The following DAGLA variants were observed in gnomAD, a reference collection of about 807,000 sequenced individuals.
The protein encoded by DAGLA is diacylglycerol lipase alpha.
In DAGLA, 22 loss-of-function variants were observed where a neutral mutation model predicts 102.6. That is an observed-to-expected ratio of 0.21 (90% CI 0.15 to 0.31). The LOEUF (loss-of-function observed/expected upper bound fraction) is 0.31, where lower values mean the gene tolerates loss of function less well. DAGLA is among the 10% of genes least tolerant of loss of function. The pLI is 1.00. For synonymous variants in DAGLA, 578 were observed against 628.9 expected (o/e 0.92, Z 1.21); for missense variants, 927 against 1,446.6 (o/e 0.64, Z 5.83).
chr11:61,688,205 C>T lies in DAGLA; in HGVS notation c.-45+7701C>T, dbSNP rs184579867. ...TGGTGGGTGCCTGTAGTCCCAGCTA[C>T]TTGGGAGGCTGAGGCAGGAGAATGG... On this transcript the variant is annotated intron_variant, in intron 1 of 19. Transcript: ENST00000257215. 3.1e-3 allele frequency among the ~76,000 whole-genome samples: 469 copies of T among 151,174 alleles called. 2 individuals are homozygous for T. Among genetic ancestry groups the T allele is most frequent in the African/African-American group, 0.011 (437 of 41,136 alleles).
chr11:61,711,835 C>T (rs1484397450), intron 1 of DAGLA, among the ~76,000 whole-genome samples: 1 of 152,196 alleles, frequency 6.6e-6, no homozygotes, highest in Non-Finnish European at 1.5e-5. Flanking sequence ...CCTGGCTCTG[C>T]CGCTGAAGAG....
Position 61,723,501 on chromosome 11 carries a change from C to A in DAGLA, c.477C>A (p.Pro159=). 1 of 1,614,142 alleles carries A rather than the reference C, an allele frequency of 6.2e-7. No homozygotes were observed. The highest frequency in any genetic ancestry group is 2.2e-5 in the East Asian group (1 of 44,892). ...TCACTGTCCTCTGCGTCTTCGACCC[C>A]ACGGGCCGCACCTTTGTCAAGCTGA... ...VCITVLCVFD[P]TGRTFVKLRA... is the part of the protein sequence containing the mutation. Residue 159 remains proline (P), a synonymous_variant, in exon 5 of 20, where the codon CCC becomes CCA. Transcript: ENST00000257215.
At chr11:61,729,917 A>G (rs2065360124) in intron 8 of DAGLA, among the ~76,000 whole-genome samples, 1 of 151,920 alleles carries the variant, frequency 6.6e-6, no homozygotes, top group African/African-American at 2.4e-5. Flanking sequence ...TACAAAAAAA[A>G]AAAAAATTAG....
intron 18 of DAGLA, among the ~76,000 whole-genome samples, chr11:61,740,925 C>T (rs1044179701): frequency 1.6e-4 from 25 of 152,164 alleles, no homozygotes; most frequent in African/African-American, 4.8e-4. Flanking sequence ...CCCCTGGCTG[C>T]GGAAAGGCTG....
intron 1 of DAGLA, among the ~76,000 whole-genome samples, chr11:61,704,745 G>T (rs1468006670): frequency 6.6e-6 from 1 of 152,204 alleles, no homozygotes; most frequent in Non-Finnish European, 1.5e-5. Flanking sequence ...GTGGTTGGGA[G>T]AGTGGATGAC....
rs762663380 is a variant in DAGLA, at chr11:61,737,188, G to A, written c.1378G>A (p.Gly460Arg). Reference protein sequence around the residue: ...SQAFGRDLGRGTKHYGLIVVG... With the variant: ...SQAFGRDLGRRTKHYGLIVVG... ...GGCTTCTCTCGGTCTCCAGGGCCGC[G>A]GAACCAAACACTACGGCCTGATTGT... Residue 460 changes from glycine (G) to arginine (R), a missense_variant, in exon 14 of 20, where the codon GGA becomes AGA. Gly to Arg is a moderately radical substitution (Grantham distance 125). This residue lies in a region of DAGLA where 218 missense variants were observed against 459.6 expected (regional missense o/e 0.47). Coordinates refer to ENST00000257215, the MANE Select transcript of DAGLA (RefSeq NM_006133.3). 12 of 1,613,468 alleles carry A rather than the reference G, an allele frequency of 7.4e-6. No homozygotes were observed. The highest frequency in any genetic ancestry group is 4.5e-5 in the East Asian group (2 of 44,876).
At chr11:61,722,581 C>T (rs1026575842) in intron 3 of DAGLA, among the ~76,000 whole-genome samples, 1 of 152,146 alleles carries the variant, frequency 6.6e-6, no homozygotes, top group African/African-American at 2.4e-5. Context: ...AGCAAAACTC[C>T]ATCAGGGATG....
intron 1 of DAGLA, among the ~76,000 whole-genome samples, chr11:61,700,080 G>T (rs921424827): frequency 1.3e-5 from 2 of 152,216 alleles, no homozygotes; most frequent in Non-Finnish European, 2.9e-5. Flanking sequence ...TGACTTGGCA[G>T]TGCCTGGGCC....
At chr11:61,710,203 T>G (rs1004873401) in intron 1 of DAGLA, among the ~76,000 whole-genome samples, 3 of 151,996 alleles carry the variant, frequency 2.0e-5, no homozygotes, top group African/African-American at 7.3e-5. Flanking sequence ...GCGCTGGGAT[T>G]CGTGCTGGGA....
At chr11:61,717,309 A>G (rs2065243197) in intron 1 of DAGLA, among the ~76,000 whole-genome samples, 1 of 152,112 alleles carries the variant, frequency 6.6e-6, no homozygotes, top group Admixed American at 6.5e-5. Flanking sequence ...AGATGTATGA[A>G]TTGGCCTGGA....
intron 1 of DAGLA, among the ~76,000 whole-genome samples, chr11:61,685,474 C>CA (rs1307316574): frequency 2.0e-5 from 3 of 152,128 alleles, no homozygotes; most frequent in Non-Finnish European, 4.4e-5. Flanking sequence ...GTGTCATCAG[C>CA]AAGAGTATAT....
At chr11:61,706,997 C>T (rs2065155817) in intron 1 of DAGLA, among the ~76,000 whole-genome samples, 1 of 152,262 alleles carries the variant, frequency 6.6e-6, no homozygotes, top group African/African-American at 2.4e-5. Context: ...AGCAGCTTCA[C>T]TGACCTCCCC....
At chr11:61,712,612 A>G (rs2065203219) in intron 1 of DAGLA, among the ~76,000 whole-genome samples, 1 of 152,170 alleles carries the variant, frequency 6.6e-6, no homozygotes, top group Non-Finnish European at 1.5e-5. Context: ...GATGTGTGAA[A>G]AGCGACAGCT....
At chr11:61,712,163 G>C (rs2065199326) in intron 1 of DAGLA, among the ~76,000 whole-genome samples, 1 of 152,160 alleles carries the variant, frequency 6.6e-6, no homozygotes, top group Non-Finnish European at 1.5e-5. Flanking sequence ...AGGGGTCTCT[G>C]GCCAAGAAGC....
At chr11:61,713,610 C>T (rs2135573448) in intron 1 of DAGLA, among the ~76,000 whole-genome samples, 1 of 152,354 alleles carries the variant, frequency 6.6e-6, no homozygotes, top group Non-Finnish European at 1.5e-5. Context: ...GCTGGAATCT[C>T]ACCACGACCA....
At chr11:61,694,844 C>G (rs1215595161) in intron 1 of DAGLA, among the ~76,000 whole-genome samples, 1 of 152,060 alleles carries the variant, frequency 6.6e-6, no homozygotes, top group Non-Finnish European at 1.5e-5. Flanking sequence ...TCGCATTACC[C>G]ACTTCCCTGC....
chr11:61,739,670 T>A lies in DAGLA; in HGVS notation c.1853+9T>A, dbSNP rs372872930. 1.5e-4 allele frequency: 237 copies of A among 1,612,134 alleles called. No homozygotes were observed. Among genetic ancestry groups the A allele is most frequent in the Non-Finnish European group, 1.9e-4 (226 of 1,179,540 alleles). ...CCTGCAGAGCAGTGCTGGTAGGTTC[T>A]GCCAGGGTCTGCTGCTGCAGGGGGT... is the stretch of plus-strand genomic sequence containing the variant. On this transcript the variant is annotated intron_variant, in intron 17 of 19. Coordinates refer to ENST00000257215, the MANE Select transcript of DAGLA (RefSeq NM_006133.3).
At chr11:61,725,305 T>G (rs1159329321) in intron 5 of DAGLA, among the ~76,000 whole-genome samples, 1 of 152,160 alleles carries the variant, frequency 6.6e-6, no homozygotes, top group Non-Finnish European at 1.5e-5. Context: ...TACAGACTCC[T>G]GGAGACCCTG....
chr11:61,719,164 C>T (rs2065261780), intron 1 of DAGLA, among the ~76,000 whole-genome samples: 1 of 152,206 alleles, frequency 6.6e-6, no homozygotes, highest in Non-Finnish European at 1.5e-5. Flanking sequence ...TGCTTCCTTT[C>T]TCTTTGGGAT....
Sources: gnomAD v4.1 joint callset for allele counts (sites outside exome capture counted in the v4.1 genomes callset) on GRCh38, gnomAD v4.1.1 for gene constraint, gnomAD v4.1.1 regional missense constraint, MANE v1.5 for transcripts, NCBI Gene and HGNC (gene_info 2026-07-23, HGNC 2026-07-21) for gene names.